The following GLIS3 variants were observed in gnomAD, a reference collection of about 807,000 sequenced individuals.
GLIS3 encodes the protein GLIS family zinc finger 3.
Under a neutral mutation model 78.6 loss-of-function variants are expected in GLIS3, and 53 were observed. The ratio of observed to expected loss-of-function variants is 0.67; its 90% confidence interval spans 0.54 to 0.85. GLIS3 has a LOEUF of 0.85. Ranked by LOEUF, GLIS3 falls within the 40% of genes least tolerant of loss-of-function variation. The probability of loss-of-function intolerance (pLI) is 0.00; values close to 1 mark genes in which losing one functional copy is unlikely to be tolerated. For synonymous variants in GLIS3, 684 were observed against 509.9 expected, an observed-to-expected ratio of 1.34 and a Z score of -4.60; for missense variants, 1,703 against 1,231.1, an observed-to-expected ratio of 1.38 and a Z score of -5.74.
chr9:3,999,189 C>A (rs1216815759), intron 4 of GLIS3, among the ~76,000 whole-genome samples: 1 of 152,082 alleles, frequency 6.6e-6, no homozygotes, highest in East Asian at 1.9e-4. Context: ...TCTATAGTCG[C>A]AGATTTGAGT....
At chr9:4,302,382 T>A (rs1243587111), upstream of GLIS3, among the ~76,000 whole-genome samples, 2 of 152,182 alleles carry the variant, frequency 1.3e-5, no homozygotes, top group Non-Finnish European at 2.9e-5. Context: ...TGCTGCCAGC[T>A]CCAGTCCAGT....
At chr9:4,347,721 T>G (rs1049854628) in intron 1 of GLIS3, among the ~76,000 whole-genome samples, 1 of 152,128 alleles carries the variant, frequency 6.6e-6, no homozygotes, top group African/African-American at 2.4e-5. Flanking sequence ...TGTTTTTGGT[T>G]TGGTTTTTTT....
chr9:4,222,809 A>G (rs372324849), intron 2 of GLIS3, among the ~76,000 whole-genome samples: 1 of 152,240 alleles, frequency 6.6e-6, no homozygotes, highest in Non-Finnish European at 1.5e-5. Flanking sequence ...TATGTTTGAG[A>G]TAAAAGACAT....
chr9:4,324,482 CT>C (rs1258254888), intron 2 of GLIS3, among the ~76,000 whole-genome samples: 1 of 152,176 alleles, frequency 6.6e-6, no homozygotes, highest in African/African-American at 2.4e-5. Context: ...GTGAAAAGTT[CT>C]TTGTCAACTA....
chr9:4,092,220 C>T (rs989695681), intron 4 of GLIS3, among the ~76,000 whole-genome samples: 6 of 148,422 alleles, frequency 4.0e-5, no homozygotes, highest in South Asian at 2.1e-4. Context: ...GGCGCAGTCT[C>T]GGCTCACTGC....
At chr9:4,430,931 G>C in the GLIS3 span, among the ~76,000 whole-genome samples, 448 of 148,008 alleles carry the variant, frequency 3.0e-3, 9 homozygotes, top group African/African-American at 0.012. Flanking sequence ...TTTCAAGAGA[G>C]AAGCTGTGAG....
intron 8 of GLIS3, among the ~76,000 whole-genome samples, chr9:3,869,241 A>AAG (rs144599412): frequency 0.01 from 1,520 of 146,038 alleles, 12 homozygotes; most frequent in South Asian, 0.018. Context: ...TACTACATTA[A>AAG]AGAGAGTGAG....
intron 2 of GLIS3, among the ~76,000 whole-genome samples, chr9:4,163,034 G>A (rs1247597893): frequency 6.6e-6 from 1 of 152,132 alleles, no homozygotes. Context: ...GATGGAGAGG[G>A]GAAGTAGCAA....
At chr9:4,288,494 A>AT (rs5896059) in intron 1 of GLIS3, among the ~76,000 whole-genome samples, 2 of 151,834 alleles carry the variant, frequency 1.3e-5, no homozygotes, top group African/African-American at 4.8e-5. Flanking sequence ...TAAAGGAGTC[A>AT]TTTTTTTTGG....
the GLIS3 span, among the ~76,000 whole-genome samples, chr9:4,380,342 C>T: frequency 3.9e-5 from 6 of 152,098 alleles, no homozygotes; most frequent in Non-Finnish European, 8.8e-5. Flanking sequence ...ACAAAGATAA[C>T]AATTGGCTCT....
At chr9:4,214,457 C>CGGTG (rs1586999725) in intron 2 of GLIS3, among the ~76,000 whole-genome samples, 1 of 152,140 alleles carries the variant, frequency 6.6e-6, no homozygotes, top group Admixed American at 6.5e-5. Context: ...TAACATTCAC[C>CGGTG]CCACATTGAC....
chr9:4,052,203 C>T (rs1031822800), intron 4 of GLIS3, among the ~76,000 whole-genome samples: 3 of 152,152 alleles, frequency 2.0e-5, no homozygotes, highest in African/African-American at 7.2e-5. Context: ...TTCTCCCCAT[C>T]CTCCTGAAAT....
chr9:4,397,703 AGG>A, the GLIS3 span, among the ~76,000 whole-genome samples: 5 of 47,436 alleles, frequency 1.1e-4, no homozygotes, highest in Admixed American at 3.2e-4. Flanking sequence ...GGAGGGAGGG[AGG>A]AAGGCAGGGA....
At chr9:3,904,475 C>T (rs1731568725) in intron 6 of GLIS3, among the ~76,000 whole-genome samples, 2 of 152,178 alleles carry the variant, frequency 1.3e-5, no homozygotes. Context: ...TCTCCACACT[C>T]CTACACACAT....
chr9:4,272,213 G>C (rs952819260), intron 2 of GLIS3, among the ~76,000 whole-genome samples: 2 of 152,068 alleles, frequency 1.3e-5, no homozygotes, highest in African/African-American at 2.4e-5. Context: ...AACTCACATA[G>C]ACACAAACAC....
chr9:4,202,778 G>T (rs558461949), intron 2 of GLIS3, among the ~76,000 whole-genome samples: 1 of 152,334 alleles, frequency 6.6e-6, no homozygotes, highest in South Asian at 2.1e-4. Context: ...GAAGAAGAAT[G>T]AAGTGGGACT....
At position 4,118,721 on chromosome 9, in the gene GLIS3, T is replaced by A; in HGVS notation, c.757A>T (p.Ser253Cys). ...QNGLDLGDLL[S>C]LPPGTSMSSN... The stretch of plus-strand genomic sequence containing the variant: ...GACATGGATGTCCCGGGAGGAAGGC[T>A]AAGGAGATCCCCTAGATCAAGGCCA... Residue 253 changes from serine to cysteine, a missense_variant, in exon 4 of 11, where the codon AGC (serine) becomes TGC (cysteine). Ser to Cys is a moderately radical substitution (Grantham distance 112, BLOSUM62 -1). Coordinates refer to ENST00000381971, the MANE Select transcript of GLIS3 (RefSeq NM_001042413.2). The surrounding 1 kb of genome is among the most constrained non-coding windows in gnomAD (Gnocchi z 4.7). 6.2e-7 allele frequency: 1 copy of A among 1,613,930 alleles called. No individual in the cohort carries two copies. The highest frequency in any genetic ancestry group is 1.1e-5 in the South Asian group (1 of 91,060).
chr9:4,372,442 G>T, the GLIS3 span, among the ~76,000 whole-genome samples: 4 of 151,592 alleles, frequency 2.6e-5, no homozygotes, highest in Middle Eastern at 6.8e-3. Context: ...TTGCCTGTAA[G>T]CATGTCTTCA....
the GLIS3 span, among the ~76,000 whole-genome samples, chr9:4,374,551 T>A: frequency 6.6e-6 from 1 of 152,230 alleles, no homozygotes; most frequent in Non-Finnish European, 1.5e-5. Flanking sequence ...AGCTCACACA[T>A]GGCGGCTGTC....
Sources: gnomAD v4.1 joint callset for allele counts (sites outside exome capture counted in the v4.1 genomes callset) on GRCh38, gnomAD v4.1.1 for gene constraint, Gnocchi (gnomAD v3.1) non-coding constraint, MANE v1.5 for transcripts, NCBI Gene and HGNC (gene_info 2026-07-23, HGNC 2026-07-21) for gene names.